The following P2RY14 variants were observed in gnomAD, a reference collection of about 807,000 sequenced individuals.
P2RY14 encodes P2Y purinoceptor 14.
In P2RY14, 2 loss-of-function variants were observed where a neutral mutation model predicts 0.9. The observed-to-expected ratio is 2.16, with a 90% confidence interval of 0.88 to 6.79. The LOEUF (loss-of-function observed/expected upper bound fraction) is 6.79, where lower values mean the gene tolerates loss of function less well. P2RY14 is among the 30% of genes most tolerant of loss of function. The pLI is 0.05. For missense variants in P2RY14, 378 were observed against 400.1 expected (o/e 0.94, Z 0.47); for synonymous variants, 158 against 147.2 (o/e 1.07, Z -0.53).
intron 1 of P2RY14, among the ~76,000 whole-genome samples, chr3:151,261,880 A>G (rs1738982124): frequency 1.3e-5 from 2 of 151,998 alleles, no homozygotes; most frequent in Admixed American, 6.6e-5. Flanking sequence ...GTTCGTCACC[A>G]TGCCTGGCTA....
chr3:151,219,424 T>G (rs959474166), intron 2 of P2RY14, 111 bp downstream of exon 2: 1 of 152,216 alleles, frequency 6.6e-6, no homozygotes, highest in Non-Finnish European at 1.5e-5. Flanking sequence ...ACCTTCCACC[T>G]TCCTAATTGT....
intron 1 of P2RY14, among the ~76,000 whole-genome samples, chr3:151,251,060 G>A (rs865851996): frequency 2.4e-4 from 36 of 152,322 alleles, no homozygotes; most frequent in Middle Eastern, 6.8e-3. Flanking sequence ...GTACCTTTCT[G>A]ACACTGTTCC....
chr3:151,256,050 C>A (rs756906649), intron 1 of P2RY14, among the ~76,000 whole-genome samples: 14 of 152,288 alleles, frequency 9.2e-5, no homozygotes, highest in African/African-American at 3.1e-4. Flanking sequence ...TTCAAAACTG[C>A]ATGGTTCAAC....
At chr3:151,225,202 A>C (rs1459447674) in intron 1 of P2RY14, among the ~76,000 whole-genome samples, 1 of 152,108 alleles carries the variant, frequency 6.6e-6, no homozygotes, top group African/African-American at 2.4e-5. Context: ...CCTCGACTTC[A>C]CAGAAGTTGC....
intron 1 of P2RY14, among the ~76,000 whole-genome samples, chr3:151,225,499 A>G (rs996511907): frequency 1.3e-5 from 2 of 152,162 alleles, no homozygotes; most frequent in African/African-American, 2.4e-5. Flanking sequence ...TAATTTGCTC[A>G]CGAGGCCTTT....
rs1193080214 is a variant in P2RY14 at position 151,218,478 on chromosome 3, T to C, written c.-25+1057A>G. On this transcript the variant is annotated intron_variant, in intron 2 of 2. Coordinates refer to ENST00000309170, the MANE Select transcript of P2RY14 (RefSeq NM_014879.4). ...GAATTTCTGCTGTGAAAGTTGTCATTATGTTAACCTTGAGGCTTTAGGAAT... is the reference window on the plus strand; with the variant it reads ...GAATTTCTGCTGTGAAAGTTGTCATCATGTTAACCTTGAGGCTTTAGGAAT... Among the ~76,000 whole-genome samples the C allele has an allele frequency of 2.0e-5, 3 of 152,214 alleles. 1 individual carries two copies. The highest frequency in any genetic ancestry group is 1.9e-4 in the East Asian group (1 of 5,198).
intron 1 of P2RY14, among the ~76,000 whole-genome samples, chr3:151,226,612 G>GT (rs143326437): frequency 0.11 from 15,995 of 150,490 alleles, 1,122 homozygotes; most frequent in Middle Eastern, 0.17. Context: ...GTCAGCCAGT[G>GT]TTTTTTTTTC....
At chr3:151,225,833 T>A (rs1373291422) in intron 1 of P2RY14, among the ~76,000 whole-genome samples, 1 of 152,188 alleles carries the variant, frequency 6.6e-6, no homozygotes, top group Non-Finnish European at 1.5e-5. Flanking sequence ...AATTTCTAAG[T>A]CTGTTGTCTT....
chr3:151,275,434 T>C (rs963198455), intron 1 of P2RY14, among the ~76,000 whole-genome samples: 8 of 151,974 alleles, frequency 5.3e-5, no homozygotes, highest in African/African-American at 1.9e-4. Flanking sequence ...AAACAACAGA[T>C]GGGAGGTTTC....
chr3:151,237,573 A>C (rs1733171108), intron 1 of P2RY14, among the ~76,000 whole-genome samples: 1 of 148,020 alleles, frequency 6.8e-6, no homozygotes, highest in African/African-American at 2.5e-5. Flanking sequence ...CTGGTCTCGA[A>C]CTCCTGACCT....
chr3:151,251,273 A>G (rs955533753), intron 1 of P2RY14, among the ~76,000 whole-genome samples: 16 of 152,006 alleles, frequency 1.1e-4, no homozygotes, highest in Non-Finnish European at 2.1e-4. Flanking sequence ...TTCCTACTCA[A>G]TGTGTCTCTC....
intron 1 of P2RY14, among the ~76,000 whole-genome samples, chr3:151,258,851 CAAAAAAAA>C (rs63714361): frequency 1.1e-5 from 1 of 89,934 alleles, no homozygotes; most frequent in African/African-American, 4.7e-5. Flanking sequence ...GATTCTGTCT[CAAAAAAAA>C]AAAAAAAAAA....
At chr3:151,232,305 A>T (rs1317123362) in intron 1 of P2RY14, among the ~76,000 whole-genome samples, 1 of 152,052 alleles carries the variant, frequency 6.6e-6, no homozygotes, top group Non-Finnish European at 1.5e-5. Flanking sequence ...TTACCCTCCC[A>T]CCAATGTGTG....
chr3:151,227,797 G>T (rs2149305363), intron 1 of P2RY14, among the ~76,000 whole-genome samples: 1 of 152,298 alleles, frequency 6.6e-6, no homozygotes, highest in Admixed American at 6.5e-5. Context: ...GAATAGTCCA[G>T]GGTTTCTCAG....
At chr3:151,229,882 C>G (rs1020982016) in intron 1 of P2RY14, among the ~76,000 whole-genome samples, 1 of 152,188 alleles carries the variant, frequency 6.6e-6, no homozygotes, top group Non-Finnish European at 1.5e-5. Flanking sequence ...TTTTATGCAG[C>G]TTGAAGATGT....
chr3:151,239,611 A>G (rs1733665923), intron 1 of P2RY14, among the ~76,000 whole-genome samples: 1 of 152,232 alleles, frequency 6.6e-6, no homozygotes, highest in Non-Finnish European at 1.5e-5. Flanking sequence ...AACTGTCACA[A>G]TTTTAATTTC....
At chr3:151,257,956 T>C (rs1041760372) in intron 1 of P2RY14, among the ~76,000 whole-genome samples, 3 of 152,224 alleles carry the variant, frequency 2.0e-5, no homozygotes, top group Non-Finnish European at 4.4e-5. Context: ...CTTTTAGGCA[T>C]TTTGTAAATA....
rs151113279 is a variant in P2RY14 at position 151,254,122 on chromosome 3, C to T, written c.-133+24165G>A. ...AGAAGTCCATACCCTTTTCTTATGC[C>T]CTGGTAGCCACCTCTTTTTCCTTTT... On this transcript the variant is annotated intron_variant, in intron 1 of 2. Coordinates refer to ENST00000309170, the MANE Select transcript of P2RY14 (RefSeq NM_014879.4). 4.6e-5 allele frequency among the ~76,000 whole-genome samples: 7 copies of T among 151,528 alleles called. No homozygotes were observed. In the East Asian group the frequency reaches 1.4e-3, roughly 29 times the overall value.
intron 1 of P2RY14, among the ~76,000 whole-genome samples, chr3:151,249,850 A>G (rs1008602769): frequency 6.6e-6 from 1 of 152,188 alleles, no homozygotes; most frequent in African/African-American, 2.4e-5. Context: ...TACATCTTTC[A>G]GAAGGAAAGG....
Sources: allele counts gnomAD v4.1 joint callset (sites outside exome capture counted in the v4.1 genomes callset), GRCh38; gene constraint gnomAD v4.1.1; transcripts MANE v1.5; gene names NCBI Gene and HGNC (gene_info 2026-07-23, HGNC 2026-07-21).